KANSL1: variants seen among roughly 807,000 people sequenced by gnomAD.
The protein encoded by KANSL1 is KAT8 regulatory NSL complex subunit 1.
In KANSL1, 22 loss-of-function variants were observed where a neutral mutation model predicts 103.6. That is an observed-to-expected ratio of 0.21 (90% CI 0.15 to 0.30). KANSL1 has a LOEUF of 0.30. Among genes scored for constraint, KANSL1 ranks in the 10% least tolerant of loss-of-function variants. The probability of loss-of-function intolerance (pLI) is 1.00; values close to 1 mark genes in which losing one functional copy is unlikely to be tolerated. For missense variants in KANSL1, 1,337 were observed against 1,399.8 expected (o/e 0.96, Z 0.72); for synonymous variants, 600 against 527.6 (o/e 1.14, Z -1.88).
intron 9 of KANSL1, 24 bp from the exon 10 acceptor site, chr17:46,038,710 A>T: frequency 6.2e-7 from 1 of 1,613,762 alleles, no homozygotes; most frequent in South Asian, 1.1e-5. Context: ...CAGAAAAGAG[A>T]GAAATACATG....
At chr17:46,110,451 A>G (rs76140382) in intron 2 of KANSL1, among the ~76,000 whole-genome samples, 4,344 of 152,280 alleles carry the variant, frequency 0.029, 220 homozygotes, top group African/African-American at 0.099. Context: ...ATAATAAGGA[A>G]ACTAAGACAA....
At chr17:46,194,443 G>T (rs1017421578), upstream of KANSL1, among the ~76,000 whole-genome samples, 1 of 152,188 alleles carries the variant, frequency 6.6e-6, no homozygotes, top group African/African-American at 2.4e-5. Flanking sequence ...CAGTTTATCA[G>T]TACAGAACTT....
At chr17:46,163,149 A>C (rs1445116684) in intron 2 of KANSL1, among the ~76,000 whole-genome samples, 1 of 152,234 alleles carries the variant, frequency 6.6e-6, no homozygotes, top group African/African-American at 2.4e-5. Context: ...TTAAATATTA[A>C]TCTCTCTCTA....
At chr17:46,113,680 T>C (rs1171268631) in intron 2 of KANSL1, among the ~76,000 whole-genome samples, 2 of 151,992 alleles carry the variant, frequency 1.3e-5, no homozygotes, top group Non-Finnish European at 2.9e-5. Context: ...CTTTATAAAA[T>C]GTTAATGAAT....
intron 2 of KANSL1, among the ~76,000 whole-genome samples, chr17:46,108,984 T>C (rs1219013815): frequency 6.6e-6 from 1 of 152,220 alleles, no homozygotes; most frequent in Non-Finnish European, 1.5e-5. Flanking sequence ...GATCTTGCAC[T>C]GTCACCCGGG....
In KANSL1 at chr17:46,134,435, G is replaced by A. The variant is rs566143924; in HGVS notation, c.1289+36420C>T. On this transcript the variant is annotated intron_variant, in intron 2 of 14. Coordinates refer to ENST00000432791, the MANE Select transcript of KANSL1 (RefSeq NM_015443.4). ...ATAAATAAAAATAAACACATTAAAC[G>A]TTTATAATGTATTTACAAGACTAAC... Among the ~76,000 whole-genome samples, 10 of 152,166 alleles carry A rather than the reference G, an allele frequency of 6.6e-5. No homozygotes were observed. In the South Asian group the frequency reaches 1.5e-3, roughly 22 times the overall value.
chr17:46,085,618 T>C (rs1036221650), intron 3 of KANSL1, among the ~76,000 whole-genome samples: 3 of 152,198 alleles, frequency 2.0e-5, no homozygotes, highest in Non-Finnish European at 4.4e-5. Context: ...ACCCCATAAA[T>C]AGCTGGGATA....
intron 13 of KANSL1, 128 bp downstream of exon 13, chr17:46,032,952 G>C (rs538183772): frequency 1.5e-6 from 1 of 672,430 alleles, no homozygotes; most frequent in South Asian, 1.9e-5. Flanking sequence ...TGAGCTATTT[G>C]CCACTGCCAG....
chr17:46,149,712 A>C (rs2147472796), intron 2 of KANSL1, among the ~76,000 whole-genome samples: 1 of 152,356 alleles, frequency 6.6e-6, no homozygotes, highest in South Asian at 2.1e-4. Flanking sequence ...TCTGATTTAA[A>C]AGTCACTTTC....
intron 4 of KANSL1, among the ~76,000 whole-genome samples, chr17:46,081,144 G>C (rs2146813006): frequency 6.6e-6 from 1 of 152,304 alleles, no homozygotes; most frequent in South Asian, 2.1e-4. Flanking sequence ...GTTATGCCCT[G>C]TCCTTCAGAA....
intron 1 of KANSL1, among the ~76,000 whole-genome samples, chr17:46,173,414 T>C (rs1375238894): frequency 2.6e-5 from 4 of 152,228 alleles, no homozygotes; most frequent in Non-Finnish European, 4.4e-5. Flanking sequence ...TTTTATTTAG[T>C]AACCAAGCTA....
chr17:46,106,567 A>C (rs924316182), intron 2 of KANSL1, among the ~76,000 whole-genome samples: 2 of 151,984 alleles, frequency 1.3e-5, no homozygotes. Flanking sequence ...TAATTTTTGT[A>C]TTTTTAGTAG....
intron 1 of KANSL1, among the ~76,000 whole-genome samples, chr17:46,184,247 T>TCC (rs78765934): frequency 0.14 from 21,951 of 152,186 alleles, 2,136 homozygotes; most frequent in Non-Finnish European, 0.22. Context: ...TTTTGAAAGG[T>TCC]GAGGTGGTGC....
intron 1 of KANSL1, among the ~76,000 whole-genome samples, chr17:46,207,832 C>G (rs543602382): frequency 6.6e-6 from 1 of 152,044 alleles, no homozygotes; most frequent in Non-Finnish European, 1.5e-5. Context: ...ACAAAAAGGC[C>G]AGGTACAGTG....
At chr17:46,038,267 T>A in intron 10 of KANSL1, 1 of 480,438 alleles carries the variant, frequency 2.1e-6, no homozygotes, top group Non-Finnish European at 3.7e-6. Flanking sequence ...ACAGATCACC[T>A]TAAGAGTTTG....
chr17:46,109,398 G>T (rs774239731), intron 2 of KANSL1, among the ~76,000 whole-genome samples: 1 of 152,148 alleles, frequency 6.6e-6, no homozygotes, highest in African/African-American at 2.4e-5. Flanking sequence ...TAACAGAATC[G>T]TGAATTATAT....
chr17:46,197,396 A>T (rs1013565250), upstream of KANSL1, among the ~76,000 whole-genome samples: 1 of 152,200 alleles, frequency 6.6e-6, no homozygotes, highest in Non-Finnish European at 1.5e-5. Flanking sequence ...TAATCCCAGC[A>T]CTCTGGAAGG....
intron 1 of KANSL1, among the ~76,000 whole-genome samples, chr17:46,187,177 G>C (rs774485837): frequency 2.6e-5 from 4 of 152,248 alleles, no homozygotes; most frequent in African/African-American, 9.6e-5. Context: ...GCAGCAAGAG[G>C]AAAGTCTAGA....
Position 46,067,554 on chromosome 17 carries a change from A to G in KANSL1, c.1647T>C (p.Ile549=), listed in dbSNP as rs2078425169. ...CGALRPVNGV[I]NTLQPVLADH... is the part of the protein sequence containing the mutation. ...GTAGAAGAGCTAAAACTTACGTGTT[A>G]ATAACTCCATTGACAGGTCTGAGTG... The change falls in exon 5 of 15, where the codon ATT becomes ATC. Residue 549 remains isoleucine (I), a synonymous_variant. Transcript: ENST00000432791. The G allele has an allele frequency of 6.3e-7, 1 of 1,575,108 alleles. No individual in the cohort carries two copies.
Sources: gnomAD v4.1 joint callset for allele counts (sites outside exome capture counted in the v4.1 genomes callset) on GRCh38, gnomAD v4.1.1 for gene constraint, MANE v1.5 for transcripts, NCBI Gene and HGNC (gene_info 2026-07-23, HGNC 2026-07-21) for gene names.